NRG3: variants seen among roughly 807,000 people sequenced by gnomAD.
NRG3 encodes neuregulin 3.
Under a neutral mutation model 66.9 loss-of-function variants are expected in NRG3, and 31 were observed. The observed-to-expected ratio is 0.46, with a 90% CI of 0.35 to 0.63. NRG3 has a LOEUF of 0.63. NRG3 is among the 20% of genes least tolerant of loss of function. The pLI is 0.00. For synonymous variants in NRG3, 393 were observed against 359.4 expected, an observed-to-expected ratio of 1.09 and a Z score of -1.06; for missense variants, 910 against 878.9, an observed-to-expected ratio of 1.04 and a Z score of -0.45.
intron 1 of NRG3, among the ~76,000 whole-genome samples, chr10:82,137,042 T>G (rs1001626814): frequency 3.9e-5 from 6 of 152,196 alleles, no homozygotes; most frequent in Non-Finnish European, 8.8e-5. Context: ...CTGATTTTGT[T>G]TTTTCTGGAG....
At chr10:82,325,727 C>T (rs753171808) in intron 1 of NRG3, among the ~76,000 whole-genome samples, 1 of 151,964 alleles carries the variant, frequency 6.6e-6, no homozygotes, top group Non-Finnish European at 1.5e-5. Flanking sequence ...CTAGCTTTCA[C>T]TGTCAAGTTG....
At chr10:82,767,083 T>C (rs571691377) in intron 3 of NRG3, among the ~76,000 whole-genome samples, 1 of 151,098 alleles carries the variant, frequency 6.6e-6, no homozygotes, top group Non-Finnish European at 1.5e-5. Flanking sequence ...AATGATCCAT[T>C]GTAAAATCAA....
At chr10:82,965,596 C>T (rs1200608366) in intron 6 of NRG3, among the ~76,000 whole-genome samples, 1 of 151,970 alleles carries the variant, frequency 6.6e-6, no homozygotes, top group Non-Finnish European at 1.5e-5. Flanking sequence ...ATTAGCCGGG[C>T]GTGGTGGTGG....
chr10:82,385,153 T>C (rs577224546), intron 2 of NRG3, among the ~76,000 whole-genome samples: 1 of 152,302 alleles, frequency 6.6e-6, no homozygotes, highest in Non-Finnish European at 1.5e-5. Flanking sequence ...GCCCACATTT[T>C]AAAGGGGTTA....
intron 1 of NRG3, among the ~76,000 whole-genome samples, chr10:82,237,426 A>G (rs1452820968): frequency 6.6e-6 from 1 of 152,104 alleles, no homozygotes; most frequent in Non-Finnish European, 1.5e-5. Context: ...TTCTTACAAC[A>G]ATTTGTAATT....
At chr10:82,967,460 G>A (rs1851315518) in intron 6 of NRG3, among the ~76,000 whole-genome samples, 1 of 152,022 alleles carries the variant, frequency 6.6e-6, no homozygotes, top group Non-Finnish European at 1.5e-5. Flanking sequence ...TTTTTTCAGT[G>A]ACAGAATACA....
Position 81,875,808 on chromosome 10 carries a change from T to A in NRG3, c.468T>A (p.Thr156=), listed in dbSNP as rs777543933. The A allele has an allele frequency of 4.3e-6, 7 of 1,609,352 alleles. No homozygotes were observed. Among genetic ancestry groups the A allele is most frequent in the Non-Finnish European group, 5.1e-6 (6 of 1,179,748 alleles). Residue 156 remains threonine (T), a synonymous_variant, in exon 1 of 9, where the codon ACT becomes ACA. Coordinates refer to ENST00000372141, the MANE Select transcript of NRG3 (RefSeq NM_001010848.4). This position sits in a 1 kb window ranked among gnomAD's most constrained non-coding sequence, Gnocchi z 5.3. ...ASSRTPNRIS[T]RLTTITRAPT... Reference sequence around the variant, plus strand: ...CCAGGACGCCCAACCGGATTAGCACTCGCCTGACCACCATCACGCGGGCGC... The same window carrying A: ...CCAGGACGCCCAACCGGATTAGCACACGCCTGACCACCATCACGCGGGCGC...
intron 1 of NRG3, among the ~76,000 whole-genome samples, chr10:81,915,826 G>A (rs1406658681): frequency 6.6e-6 from 1 of 152,026 alleles, no homozygotes; most frequent in African/African-American, 2.4e-5. Context: ...CTGTCCTCTG[G>A]ACAGCCTGGA....
chr10:81,895,495 C>T (rs1040318411), intron 1 of NRG3, among the ~76,000 whole-genome samples: 3 of 152,130 alleles, frequency 2.0e-5, no homozygotes, highest in African/African-American at 7.2e-5. Flanking sequence ...TGGATGTTAT[C>T]TTGTTTTGTT....
intron 1 of NRG3, among the ~76,000 whole-genome samples, chr10:82,350,403 A>G (rs2083356526): frequency 6.6e-6 from 1 of 152,198 alleles, no homozygotes; most frequent in African/African-American, 2.4e-5. Context: ...CTAGGTCCCT[A>G]AGATCCCATA....
chr10:82,238,111 A>G lies in NRG3; in HGVS notation c.824-120628A>G, dbSNP rs530913279. On this transcript the variant is annotated intron_variant, in intron 1 of 8. Coordinates refer to ENST00000372141, the MANE Select transcript of NRG3 (RefSeq NM_001010848.4). ...CTAGCTGCATATCTCAGAATGATAT[A>G]CAAAACAAGGATTTCCATTTTATTT... Among the ~76,000 whole-genome samples, 59 of 152,310 alleles carry G rather than the reference A, an allele frequency of 3.9e-4. No homozygotes were observed. In the South Asian group the frequency reaches 5.2e-3, roughly 13 times the overall value.
intron 7 of NRG3, among the ~76,000 whole-genome samples, chr10:82,975,406 C>CAAT (rs1195193495): frequency 2.0e-5 from 3 of 152,138 alleles, no homozygotes; most frequent in African/African-American, 7.2e-5. Context: ...GTTTGAGCTG[C>CAAT]AATATTCCTA....
At chr10:82,449,084 T>A (rs2090890839) in intron 2 of NRG3, among the ~76,000 whole-genome samples, 1 of 152,212 alleles carries the variant, frequency 6.6e-6, no homozygotes, top group Non-Finnish European at 1.5e-5. Context: ...CCCTTTATTC[T>A]GTTCCTCAAG....
intron 2 of NRG3, among the ~76,000 whole-genome samples, chr10:82,609,007 T>G (rs2133473117): frequency 6.6e-6 from 1 of 152,278 alleles, no homozygotes; most frequent in Non-Finnish European, 1.5e-5. Context: ...CCTCTTGATT[T>G]TAATTTAAAA....
chr10:82,287,765 C>A (rs981182030), intron 1 of NRG3, among the ~76,000 whole-genome samples: 1 of 152,096 alleles, frequency 6.6e-6, no homozygotes, highest in African/African-American at 2.4e-5. Flanking sequence ...GCTGGAGGGA[C>A]CACTGGGATT....
chr10:82,516,160 A>G (rs934842808), intron 2 of NRG3, among the ~76,000 whole-genome samples: 28 of 149,722 alleles, frequency 1.9e-4, no homozygotes, highest in Non-Finnish European at 2.5e-4. Flanking sequence ...GTGTGTGTGT[A>G]TGTGTGTGTA....
chr10:82,132,701 CT>C (rs2069018374), intron 1 of NRG3, among the ~76,000 whole-genome samples: 1 of 150,398 alleles, frequency 6.6e-6, no homozygotes, highest in South Asian at 2.1e-4. Flanking sequence ...GCCGTCTGGT[CT>C]TGGGCCTTTC....
rs138892529 is a variant in NRG3 at position 82,460,197 on chromosome 10, G to A, written c.953+101329G>A. On this transcript the variant is annotated intron_variant, in intron 2 of 8. Transcript: ENST00000372141. ...TACTGACATCAAGATATGTTTTGAG[G>A]ACTGAGTTGGTACATTGGGTTATGG... 3.0e-3 allele frequency among the ~76,000 whole-genome samples: 456 copies of A among 152,302 alleles called. 2 individuals are homozygous for A. Among genetic ancestry groups the A allele is most frequent in the African/African-American group, 0.01 (425 of 41,570 alleles).
At chr10:82,697,201 A>G (rs902656996) in intron 2 of NRG3, among the ~76,000 whole-genome samples, 1 of 152,232 alleles carries the variant, frequency 6.6e-6, no homozygotes, top group Non-Finnish European at 1.5e-5. Flanking sequence ...GTTGAATTCA[A>G]TTGGCATAAA....
Sources: gnomAD v4.1 joint callset for allele counts (sites outside exome capture counted in the v4.1 genomes callset) on GRCh38, gnomAD v4.1.1 for gene constraint, Gnocchi (gnomAD v3.1) non-coding constraint, MANE v1.5 for transcripts, NCBI Gene and HGNC (gene_info 2026-07-23, HGNC 2026-07-21) for gene names.